PALM2AKAP2: variants seen among roughly 807,000 people sequenced by gnomAD.
PALM2AKAP2 encodes PALM2-AKAP2 fusion protein.
A neutral mutation model predicts 71.5 loss-of-function variants in PALM2AKAP2; 37 were observed. That is an observed-to-expected ratio of 0.52 (90% confidence interval 0.40 to 0.68). The LOEUF (loss-of-function observed/expected upper bound fraction) is 0.68. Ranked by LOEUF, PALM2AKAP2 falls within the 30% of genes least tolerant of loss-of-function variation. The pLI, the probability that PALM2AKAP2 is intolerant of heterozygous loss-of-function variation, is 0.00. For synonymous variants in PALM2AKAP2, 468 were observed against 478.8 expected (o/e 0.98, Z 0.29); for missense variants, 1,224 against 1,191.8 (o/e 1.03, Z -0.40).
intron 6 of PALM2AKAP2, among the ~76,000 whole-genome samples, chr9:109,988,684 G>C (rs997225924): frequency 2.0e-5 from 3 of 150,350 alleles, no homozygotes; most frequent in Non-Finnish European, 3.0e-5. Flanking sequence ...GGAAGGGAAA[G>C]GAAGGGCGGG....
At chr9:110,033,157 A>G (rs1833317833) in intron 7 of PALM2AKAP2, among the ~76,000 whole-genome samples, 1 of 152,218 alleles carries the variant, frequency 6.6e-6, no homozygotes, top group Non-Finnish European at 1.5e-5. Flanking sequence ...TTGCAAAGAA[A>G]ATATAAACAA....
At chr9:109,838,993 C>G (rs1828571698) in intron 1 of PALM2AKAP2, among the ~76,000 whole-genome samples, 1 of 152,194 alleles carries the variant, frequency 6.6e-6, no homozygotes, top group Non-Finnish European at 1.5e-5. Context: ...TGAAACGATT[C>G]CAATGAATAG....
chr9:109,718,303 C>G (rs1828357994), intron 1 of PALM2AKAP2, among the ~76,000 whole-genome samples: 5 of 152,164 alleles, frequency 3.3e-5, no homozygotes. Flanking sequence ...TGGTCTCCAA[C>G]TCCTGAGCTC....
intron 5 of PALM2AKAP2, among the ~76,000 whole-genome samples, chr9:109,927,683 A>T (rs1830988817): frequency 6.6e-6 from 1 of 152,198 alleles, no homozygotes. Flanking sequence ...TGGGCAATCA[A>T]GAACAATTTA....
chr9:109,686,182 C>T (rs371175428), intron 1 of PALM2AKAP2, among the ~76,000 whole-genome samples: 20 of 152,262 alleles, frequency 1.3e-4, no homozygotes, highest in African/African-American at 3.4e-4. Flanking sequence ...AAGTCATTTA[C>T]GAGGGTTGGA....
At chr9:109,876,743 G>A (rs1008938106) in intron 2 of PALM2AKAP2, among the ~76,000 whole-genome samples, 3 of 152,174 alleles carry the variant, frequency 2.0e-5, no homozygotes, top group African/African-American at 7.2e-5. Context: ...GCCTCCCAAA[G>A]TGCTGGGATT....
chr9:109,965,040 T>C (rs1220162762), intron 6 of PALM2AKAP2, among the ~76,000 whole-genome samples: 4 of 152,190 alleles, frequency 2.6e-5, no homozygotes, highest in Non-Finnish European at 5.9e-5. Context: ...GGAATCCTTA[T>C]TAAGTTAGAT....
chr9:110,027,640 G>T (rs1833205020), intron 7 of PALM2AKAP2, among the ~76,000 whole-genome samples: 1 of 152,176 alleles, frequency 6.6e-6, no homozygotes, highest in Non-Finnish European at 1.5e-5. Context: ...CAAGGACATG[G>T]GAAAGCCACA....
At chr9:109,870,448 T>G (rs1477722868) in intron 2 of PALM2AKAP2, among the ~76,000 whole-genome samples, 1 of 152,206 alleles carries the variant, frequency 6.6e-6, no homozygotes, top group Non-Finnish European at 1.5e-5. Context: ...TCAGCCAGTT[T>G]TCTCCTGGTA....
intron 2 of PALM2AKAP2, among the ~76,000 whole-genome samples, chr9:109,876,501 C>T (rs1829725481): frequency 6.6e-6 from 1 of 152,034 alleles, no homozygotes; most frequent in Admixed American, 6.6e-5. Flanking sequence ...TTTTTTGAGA[C>T]AGAGTCATGC....
chr9:109,989,370 T>A (rs1459891267), intron 6 of PALM2AKAP2, among the ~76,000 whole-genome samples: 1 of 152,188 alleles, frequency 6.6e-6, no homozygotes, highest in Non-Finnish European at 1.5e-5. Flanking sequence ...CAGAGGATGG[T>A]GCAGTAATTT....
intron 1 of PALM2AKAP2, among the ~76,000 whole-genome samples, chr9:109,825,505 A>G (rs1828122902): frequency 6.6e-6 from 1 of 152,248 alleles, no homozygotes. Flanking sequence ...AAGAACTCAA[A>G]CAAATTTACA....
chr9:110,155,937 A>C (rs10980226), intron 2 of PALM2AKAP2, among the ~76,000 whole-genome samples: 17,165 of 152,200 alleles, frequency 0.11, 1,652 homozygotes, highest in East Asian at 0.47. Context: ...AAGCGCTTTC[A>C]TCTGTTAAGA....
At chr9:109,959,137 A>G (rs1476164374) in intron 6 of PALM2AKAP2, among the ~76,000 whole-genome samples, 1 of 152,154 alleles carries the variant, frequency 6.6e-6, no homozygotes, top group Admixed American at 6.5e-5. Flanking sequence ...TTTGTGAGCA[A>G]CAGGCTGACA....
intron 1 of PALM2AKAP2, among the ~76,000 whole-genome samples, chr9:110,076,890 A>T (rs1472818477): frequency 6.6e-6 from 1 of 152,160 alleles, no homozygotes; most frequent in Non-Finnish European, 1.5e-5. Context: ...ACTTGCCTGT[A>T]TGGATAGAGC....
exon 3 of PALM2AKAP2, chr9:110,156,452 T>C (rs759975435): frequency 3.1e-6 from 5 of 1,611,976 alleles, no homozygotes; most frequent in Non-Finnish European, 4.2e-6. Context: ...TGGAAGACTA[T>C]GAGACACACA....
At chr9:109,732,296 G>A (rs1179798150) in intron 1 of PALM2AKAP2, among the ~76,000 whole-genome samples, 2 of 152,194 alleles carry the variant, frequency 1.3e-5, no homozygotes, top group Non-Finnish European at 2.9e-5. Flanking sequence ...GATGGGAATA[G>A]CACCAGCTTT....
chr9:109,892,564 C>A (rs1447682284), intron 3 of PALM2AKAP2, among the ~76,000 whole-genome samples: 1 of 152,044 alleles, frequency 6.6e-6, no homozygotes, highest in Non-Finnish European at 1.5e-5. Flanking sequence ...AAATAGTTTT[C>A]AATTTAATTT....
intron 1 of PALM2AKAP2, among the ~76,000 whole-genome samples, chr9:109,799,071 C>T (rs760554084): frequency 6.6e-6 from 1 of 152,208 alleles, no homozygotes; most frequent in East Asian, 1.9e-4. Flanking sequence ...TCCTAACCTC[C>T]CCAAGAGGGC....
Sources: allele counts gnomAD v4.1 joint callset (sites outside exome capture counted in the v4.1 genomes callset), GRCh38; gene constraint gnomAD v4.1.1; transcripts MANE v1.5; gene names NCBI Gene and HGNC (gene_info 2026-07-23, HGNC 2026-07-21).